The following ZNF836 variants were observed in gnomAD, a reference collection of about 807,000 sequenced individuals.
The protein encoded by ZNF836 is zinc finger protein 836.
ZNF836 carries 12 observed loss-of-function variants against 7.4 expected under a neutral mutation model. The observed-to-expected ratio is 1.61, with a 90% CI of 1.03 to 2.61. The LOEUF (loss-of-function observed/expected upper bound fraction) is 2.61, where lower values mean the gene tolerates loss of function less well. ZNF836 is among the 30% of genes most tolerant of loss of function. The pLI is 0.00. For synonymous variants in ZNF836, 365 were observed against 382.6 expected (o/e 0.95, Z 0.54); for missense variants, 998 against 1,126.2 (o/e 0.89, Z 1.63).
In ZNF836 at chr19:52,157,446, T is replaced by C; in HGVS notation, c.237A>G (p.Glu79=). 6.2e-7 allele frequency: 1 copy of C among 1,605,270 alleles called. No homozygotes were observed. The highest frequency in any genetic ancestry group is 8.5e-7 in the Non-Finnish European group (1 of 1,177,632). Residue 79 remains glutamate (E), a synonymous_variant, in exon 5 of 5, where the codon GAA becomes GAG. Coordinates refer to ENST00000682614, the MANE Select transcript of ZNF836 (RefSeq NM_001102657.3). The part of the protein sequence containing the change: ...KCQTVTLERH[E]CYDVENFYLR... ...AGTAAAAATTTTCAACATCATAACATTCATGTCTTTCCAGCGTCACTGTTT... is the reference window on the plus strand; with the variant it reads ...AGTAAAAATTTTCAACATCATAACACTCATGTCTTTCCAGCGTCACTGTTT...
intron 3 of ZNF836, among the ~76,000 whole-genome samples, chr19:52,167,472 C>CAAAAAAA (rs1165727472): frequency 6.8e-5 from 3 of 44,120 alleles, no homozygotes; most frequent in Admixed American, 3.2e-4. Flanking sequence ...AACTCCGTCT[C>CAAAAAAA]AAAAAAAAAA....
chr19:52,163,466 C>T (rs1445625985), intron 3 of ZNF836, among the ~76,000 whole-genome samples: 2 of 152,172 alleles, frequency 1.3e-5, no homozygotes, highest in African/African-American at 4.8e-5. Flanking sequence ...CATCTTAGTT[C>T]ATCACTCTTA....
At chr19:52,167,127 A>C (rs1182996595) in intron 3 of ZNF836, among the ~76,000 whole-genome samples, 2 of 151,902 alleles carry the variant, frequency 1.3e-5, no homozygotes, top group Non-Finnish European at 2.9e-5. Context: ...TGGGACGGAT[A>C]CAGTGACAAT....
intron 2 of ZNF836, among the ~76,000 whole-genome samples, chr19:52,169,015 A>C (rs973102420): frequency 2.0e-5 from 3 of 152,246 alleles, no homozygotes; most frequent in Non-Finnish European, 4.4e-5. Context: ...AAAATGAAGA[A>C]GTTCAGGGGA....
At chr19:52,164,729 A>T (rs1297135178) in intron 3 of ZNF836, among the ~76,000 whole-genome samples, 2 of 152,210 alleles carry the variant, frequency 1.3e-5, no homozygotes, top group Non-Finnish European at 2.9e-5. Context: ...AAGTCCAATA[A>T]ATAATGTGAA....
In ZNF836 at chr19:52,157,005, G is replaced by C; in HGVS notation, c.678C>G (p.Ala226=). Residue 226 remains alanine (A), a synonymous_variant, in exon 5 of 5, where the codon GCC becomes GCG. Transcript: ENST00000682614. ...TAATAAGACTTGAAGACACTCTAAAGGCTTTGCCACACCCTTTACACATAT... is the reference window on the plus strand; with the variant it reads ...TAATAAGACTTGAAGACACTCTAAACGCTTTGCCACACCCTTTACACATAT... ...KPYMCKGCGK[A]FRVSSSLINH... The C allele has an allele frequency of 6.2e-7, 1 of 1,614,140 alleles. No individual in the cohort carries two copies. Among genetic ancestry groups the C allele is most frequent in the South Asian group, 1.1e-5 (1 of 91,078 alleles).
chr19:52,168,291 A>G, intron 2 of ZNF836, 139 bp from the exon 3 acceptor site: 1 of 557,410 alleles, frequency 1.8e-6, no homozygotes, highest in East Asian at 3.0e-5. Flanking sequence ...ATAAATTCCT[A>G]AACAAAGACC....
chr19:52,170,702 A>G (rs1343367100), intron 1 of ZNF836, among the ~76,000 whole-genome samples: 1 of 151,838 alleles, frequency 6.6e-6, no homozygotes, highest in Non-Finnish European at 1.5e-5. Context: ...TCCCTAAATT[A>G]TCATCCATTT....
In ZNF836 at chr19:52,155,586, A is replaced by G. The variant is rs1383525504; in HGVS notation, c.2097T>C (p.Phe699=). The G allele has an allele frequency of 6.2e-7, 1 of 1,613,930 alleles. No individual in the cohort carries two copies. The highest frequency in any genetic ancestry group is 8.5e-7 in the Non-Finnish European group (1 of 1,179,894). ...TTGAACTTTGGATAAATGCCCCTCC[A>G]AACTCATTACAATTGTAAGGTTTCT... is the stretch of plus-strand genomic sequence containing the variant. ...TGEKPYNCNE[F]GGAFIQSSKL... The change falls in exon 5 of 5, where the codon TTT becomes TTC. Residue 699 remains phenylalanine (F), a synonymous_variant. Transcript: ENST00000682614.
rs752842317 is a variant in ZNF836, at chr19:52,156,869, TC to T, written c.813del (p.Lys272SerfsTer19). 4.7e-5 allele frequency: 76 copies of T among 1,614,154 alleles called. No homozygotes were observed. Among genetic ancestry groups the T allele is most frequent in the Non-Finnish European group, 6.4e-5 (75 of 1,180,024 alleles). The part of the protein sequence containing the change: ...LTIHQIVHTR[G>X]KPYQCGVCGK... Reference sequence around the variant, plus strand: ...CCACATACACCACATTGATATGGCTTCCCCCTTGTATGGACTATCTGATGTA... The same window carrying T: ...CCACATACACCACATTGATATGGCTTCCCCTTGTATGGACTATCTGATGTA... On this transcript the variant is annotated frameshift_variant, in exon 5 of 5. Transcript: ENST00000682614. LOFTEE classifies it low-confidence loss of function (END_TRUNC).
chr19:52,156,806 G>A lies in ZNF836; in HGVS notation c.877C>T (p.Arg293Trp), dbSNP rs181586611. Residue 293 changes from arginine to tryptophan, a missense_variant, in exon 5 of 5, where the codon CGG becomes TGG. Arg to Trp is a moderately radical substitution (Grantham distance 101, BLOSUM62 -3). Transcript: ENST00000682614. ...GGTTTCTCTCCAGTGTGACTTCTCC[G>A]GTGATTTACAAGATCTGAATTTTGT... ...FRQNSDLVNHRRSHTGEKPYK... is the reference protein window; with the variant it reads ...FRQNSDLVNHWRSHTGEKPYK... 21 of 1,614,052 alleles carry A rather than the reference G, an allele frequency of 1.3e-5. No individual in the cohort carries two copies. The East Asian group carries it at 1.3e-4, about 10-fold the overall frequency.
Position 52,156,655 on chromosome 19 carries a change from G to A in ZNF836, c.1028C>T (p.Ser343Leu), listed in dbSNP as rs1271109708. ...GATTATCTGATGTGTAGTGAGGCAT[G>A]AGCCTTGTTTGAAGGTTTTCCCACA... ...NECGKTFKQG[S>L]CLTTHQIIHT... is the part of the protein sequence containing the mutation. Residue 343 changes from serine (S) to leucine (L), a missense_variant, in exon 5 of 5, where the codon TCA becomes TTA. Transcript: ENST00000682614. 4 of 1,613,526 alleles carry A rather than the reference G, an allele frequency of 2.5e-6. No homozygotes were observed. Among genetic ancestry groups the A allele is most frequent in the East Asian group, 4.5e-5 (2 of 44,880 alleles).
chr19:52,165,679 G>C (rs111741970), intron 3 of ZNF836, among the ~76,000 whole-genome samples: 1 of 152,134 alleles, frequency 6.6e-6, no homozygotes, highest in African/African-American at 2.4e-5. Context: ...CTCTAGGATG[G>C]TGCATTTCCT....
chr19:52,157,325 G>A lies in ZNF836; in HGVS notation c.358C>T (p.Leu120Phe). 6.2e-7 allele frequency: 1 copy of A among 1,605,126 alleles called. No homozygotes were observed. Among genetic ancestry groups the A allele is most frequent in the East Asian group, 2.2e-5 (1 of 44,778 alleles). ...KEVPMTYKNNLNGKRGQHSQE... is the reference protein window; with the variant it reads ...KEVPMTYKNNFNGKRGQHSQE... ...CTATGTTGACCTCTTTTACCATTAAGATTGTTTTTATAGGTCATTGGCACT... is the reference window on the plus strand; with the variant it reads ...CTATGTTGACCTCTTTTACCATTAAAATTGTTTTTATAGGTCATTGGCACT... The change falls in exon 5 of 5, where the codon CTT (leucine) becomes TTT (phenylalanine). Residue 120 changes from leucine (L) to phenylalanine (F), a missense_variant. By Grantham distance (22) the Leu-to-Phe change is conservative (BLOSUM62 0). Coordinates refer to ENST00000682614, the MANE Select transcript of ZNF836 (RefSeq NM_001102657.3).
Position 52,156,143 on chromosome 19 carries a change from T to C in ZNF836, c.1540A>G (p.Thr514Ala). Residue 514 changes from threonine (T) to alanine (A), a missense_variant, in exon 5 of 5, where the codon ACT (threonine) becomes GCT (alanine). Thr to Ala is a moderately conservative substitution (Grantham distance 58). Transcript: ENST00000682614. Reference protein sequence around the residue: ...GKAFKQGSLLTRHKIIHTREK... With the variant: ...GKAFKQGSLLARHKIIHTREK... ...CTGGTATGAATTATCTTATGTCGAGTGAGTAATGAGCCCTGTTTAAAGGCT... is the reference window on the plus strand; with the variant it reads ...CTGGTATGAATTATCTTATGTCGAGCGAGTAATGAGCCCTGTTTAAAGGCT... 2 of 1,614,096 alleles carry C rather than the reference T, an allele frequency of 1.2e-6. No homozygotes were observed. Among genetic ancestry groups the C allele is most frequent in the Non-Finnish European group, 1.7e-6 (2 of 1,180,024 alleles).
intron 1 of ZNF836, chr19:52,170,287 T>A (rs1354425648): frequency 3.3e-5 from 5 of 152,240 alleles, no homozygotes; most frequent in African/African-American, 1.2e-4. Flanking sequence ...TTGTCCCCAA[T>A]CTCCACGTAT....
chr19:52,169,439 C>T (rs1216373490), intron 2 of ZNF836, among the ~76,000 whole-genome samples: 7 of 152,024 alleles, frequency 4.6e-5, no homozygotes, highest in Non-Finnish European at 1.0e-4. Flanking sequence ...ATCAGCCAGG[C>T]GTGGTGGCAC....
intron 3 of ZNF836, among the ~76,000 whole-genome samples, chr19:52,166,407 A>G (rs2089264107): frequency 6.6e-6 from 1 of 152,120 alleles, no homozygotes; most frequent in Non-Finnish European, 1.5e-5. Flanking sequence ...ATACAACATG[A>G]TATTACAGTA....
chr19:52,166,420 G>C (rs117563314), intron 3 of ZNF836, among the ~76,000 whole-genome samples: 265 of 152,056 alleles, frequency 1.7e-3, no homozygotes, highest in Middle Eastern at 3.4e-3. Flanking sequence ...TTACAGTATA[G>C]ATAGTAAAAA....
Sources: allele counts gnomAD v4.1 joint callset (sites outside exome capture counted in the v4.1 genomes callset), GRCh38; gene constraint gnomAD v4.1.1; transcripts MANE v1.5; gene names NCBI Gene and HGNC (gene_info 2026-07-23, HGNC 2026-07-21).